Variants in TSNARE1 observed in about 807,000 individuals in gnomAD.
The protein encoded by TSNARE1 is t-SNARE domain-containing protein 1.
In TSNARE1, 49 loss-of-function variants were observed where a neutral mutation model predicts 62.0. The observed-to-expected ratio is 0.79, with a 90% CI of 0.63 to 1.00. The LOEUF (loss-of-function observed/expected upper bound fraction) is 1.00. Among genes scored for constraint, TSNARE1 ranks in the 50% least tolerant of loss-of-function variants. TSNARE1 has a pLI of 0.00. For missense variants in TSNARE1, 755 were observed against 700.1 expected (o/e 1.08, Z -0.88); for synonymous variants, 328 against 294.4 (o/e 1.11, Z -1.17).
intron 12 of TSNARE1, among the ~76,000 whole-genome samples, chr8:142,246,230 C>G (rs980583560): frequency 6.6e-6 from 1 of 152,100 alleles, no homozygotes; most frequent in Non-Finnish European, 1.5e-5. Context: ...CACCCCTACC[C>G]CCATGAAGGC....
chr8:142,242,891 G>A (rs1405608619), intron 12 of TSNARE1, among the ~76,000 whole-genome samples: 5 of 149,140 alleles, frequency 3.4e-5, no homozygotes, highest in Non-Finnish European at 7.4e-5. Flanking sequence ...GAACCCGGGA[G>A]GTGGAGGTTG....
At position 142,361,448 on chromosome 8, in the gene TSNARE1, C is replaced by T. The variant is rs1185427300; in HGVS notation, c.-39-6685G>A. ...CAACCAGGACACACGGCAGCAGAGG[C>T]AATGGCAAGAAGCGGCGCTGCCTCC... On this transcript the variant is annotated intron_variant, in intron 1 of 13. Coordinates refer to ENST00000524325, the MANE Select transcript of TSNARE1 (RefSeq NM_145003.5). Among the ~76,000 whole-genome samples the T allele has an allele frequency of 2.0e-5, 3 of 152,314 alleles. No homozygotes were observed. The East Asian group carries it at 5.8e-4, about 29-fold the overall frequency.
chr8:142,297,896 C>A (rs1563855068), intron 10 of TSNARE1, among the ~76,000 whole-genome samples: 1 of 152,214 alleles, frequency 6.6e-6, no homozygotes, highest in African/African-American at 2.4e-5. Flanking sequence ...ACGACTCCCA[C>A]CCCGCCGCCC....
At chr8:142,325,767 A>T (rs570833279) in intron 6 of TSNARE1, among the ~76,000 whole-genome samples, 1 of 152,354 alleles carries the variant, frequency 6.6e-6, no homozygotes, top group African/African-American at 2.4e-5. Context: ...AGGAGGTCAG[A>T]GAGGAAAAGA....
intron 13 of TSNARE1, among the ~76,000 whole-genome samples, chr8:142,221,964 T>TCCACTCATCCACTCACTCAC (rs2129925103): frequency 1.3e-5 from 1 of 77,146 alleles, no homozygotes; most frequent in East Asian, 4.2e-4. Flanking sequence ...CACTCACTCA[T>TCCACTCATCCACTCACTCAC]CCACTCATCC....
intron 1 of TSNARE1, among the ~76,000 whole-genome samples, chr8:142,393,897 C>G (rs747238728): frequency 6.4e-4 from 98 of 152,194 alleles, no homozygotes; most frequent in Non-Finnish European, 2.2e-4. Flanking sequence ...CACTTCCTGG[C>G]CTCTTGTGGT....
intron 1 of TSNARE1, among the ~76,000 whole-genome samples, chr8:142,390,086 A>G (rs115175484): frequency 1.3e-5 from 2 of 152,266 alleles, no homozygotes; most frequent in African/African-American, 4.8e-5. Context: ...GTACGGCAGA[A>G]ATACAGTTTT....
At chr8:142,305,853 C>T (rs1180783390) in intron 9 of TSNARE1, among the ~76,000 whole-genome samples, 1 of 152,194 alleles carries the variant, frequency 6.6e-6, no homozygotes, top group African/African-American at 2.4e-5. Context: ...CCTGTTCCGA[C>T]ACGTAGGGAA....
intron 4 of TSNARE1, among the ~76,000 whole-genome samples, chr8:142,340,411 C>A (rs901899977): frequency 8.5e-5 from 13 of 152,292 alleles, no homozygotes; most frequent in African/African-American, 3.1e-4. Context: ...AGGCAGACCG[C>A]AGACTAGAGC....
intron 11 of TSNARE1, chr8:142,279,972 C>T (rs965892098): frequency 2.6e-5 from 29 of 1,125,362 alleles, no homozygotes; most frequent in African/African-American, 2.4e-4. Context: ...GGCCGCCCTC[C>T]GCCAGCTTCT....
intron 13 of TSNARE1, among the ~76,000 whole-genome samples, chr8:142,223,185 T>TTCATCCACTCACTCATTCATCCAC (rs1563756937): frequency 0.026 from 1,174 of 45,806 alleles, 89 homozygotes; most frequent in Non-Finnish European, 0.037. Flanking sequence ...TATTCACTCA[T>TTCATCCACTCACTCATTCATCCAC]TCACTCGTTC....
intron 10 of TSNARE1, among the ~76,000 whole-genome samples, chr8:142,288,332 A>G (rs1251858011): frequency 1.3e-5 from 2 of 152,358 alleles, no homozygotes; most frequent in Admixed American, 1.3e-4. Flanking sequence ...ATCAGAGTCA[A>G]CTTCCACAAC....
intron 1 of TSNARE1, among the ~76,000 whole-genome samples, chr8:142,391,259 T>C (rs1587134256): frequency 1.4e-5 from 2 of 143,482 alleles, no homozygotes; most frequent in Admixed American, 7.0e-5. Flanking sequence ...CTGGGGACTC[T>C]ATAACAGACG....
At chr8:142,347,593 C>T (rs1833541491) in intron 2 of TSNARE1, among the ~76,000 whole-genome samples, 1 of 152,208 alleles carries the variant, frequency 6.6e-6, no homozygotes, top group South Asian at 2.1e-4. Context: ...GAAATGGGGT[C>T]CCACAGGCCC....
Position 142,343,928 on chromosome 8 carries a change from G to A in TSNARE1, c.745+38C>T, listed in dbSNP as rs369288859. 6 of 1,493,294 alleles carry A rather than the reference G, an allele frequency of 4.0e-6. No homozygotes were observed. The Middle Eastern group carries it at 5.5e-4, about 136-fold the overall frequency. The allele number at this position is 1,493,294 out of a possible 1,614,324, so 92.5% of individuals were successfully genotyped here. On this transcript the variant is annotated intron_variant, in intron 4 of 13. Transcript: ENST00000524325. ...GGGCCCCCCCCTCCTGCTGGACAGA[G>A]TGGCACCCTAGCAAGGTGAGCTGAG...
At position 142,261,756 on chromosome 8, in the gene TSNARE1, C is replaced by T. The variant is rs187853679; in HGVS notation, c.1446+13025G>A. 1.5e-3 allele frequency among the ~76,000 whole-genome samples: 226 copies of T among 152,272 alleles called. 2 individuals are homozygous for T. The highest frequency in any genetic ancestry group is 2.2e-3 in the Non-Finnish European group (152 of 68,008). On this transcript the variant is annotated intron_variant, in intron 12 of 13. Transcript: ENST00000524325. ...CCACGAGCTCCGACAAGGCAGCTCA[C>T]GGGCATAGAGGGGTCTGAGGCTGCC...
At chr8:142,233,610 G>A (rs1206023313) in intron 12 of TSNARE1, among the ~76,000 whole-genome samples, 4 of 152,184 alleles carry the variant, frequency 2.6e-5, no homozygotes, top group Non-Finnish European at 4.4e-5. Context: ...TGGTGACCAG[G>A]CCCAGACCAG....
At chr8:142,229,775 G>T (rs1442614928) in intron 12 of TSNARE1, among the ~76,000 whole-genome samples, 196 bp from the exon 13 acceptor site, 1 of 152,140 alleles carries the variant, frequency 6.6e-6, no homozygotes, top group Admixed American at 6.5e-5. Flanking sequence ...AACTGCTCTG[G>T]GCTGGCTCTG....
chr8:142,369,224 C>T (rs1156269323), intron 1 of TSNARE1, among the ~76,000 whole-genome samples: 1 of 152,162 alleles, frequency 6.6e-6, no homozygotes. Flanking sequence ...AACACCCACC[C>T]ACCTTGAACC....
Sources: gnomAD v4.1 joint callset for allele counts (sites outside exome capture counted in the v4.1 genomes callset) on GRCh38, gnomAD v4.1.1 for gene constraint, MANE v1.5 for transcripts, NCBI Gene and HGNC (gene_info 2026-07-23, HGNC 2026-07-21) for gene names.